CD200R1: variants seen among roughly 807,000 people sequenced by gnomAD.
CD200R1 encodes cell surface glycoprotein CD200 receptor 1.
CD200R1 carries 30 observed loss-of-function variants against 38.1 expected under a neutral mutation model. The ratio of observed to expected loss-of-function variants is 0.79; its 90% CI spans 0.59 to 1.07. The LOEUF (loss-of-function observed/expected upper bound fraction) is 1.07, where lower values mean the gene tolerates loss of function less well. CD200R1 is among the 50% of genes least tolerant of loss of function. The pLI is 0.00. For missense variants in CD200R1, 372 were observed against 415.4 expected (o/e 0.90, Z 0.91); for synonymous variants, 128 against 152.1 (o/e 0.84, Z 1.16).
chr3:112,946,059 C>T (rs1360252315), intron 2 of CD200R1, among the ~76,000 whole-genome samples: 1 of 135,540 alleles, frequency 7.4e-6, no homozygotes, highest in Non-Finnish European at 1.6e-5. Context: ...AAAAGGAGAA[C>T]GAAAAGATAA....
intron 1 of CD200R1, among the ~76,000 whole-genome samples, chr3:112,971,474 C>T (rs1197753470): frequency 1.3e-5 from 2 of 152,118 alleles, no homozygotes; most frequent in Non-Finnish European, 2.9e-5. Flanking sequence ...TCCTCCACAA[C>T]GAAACTCCCT....
chr3:112,926,203 A>G (rs898031352), intron 5 of CD200R1, among the ~76,000 whole-genome samples: 2 of 152,280 alleles, frequency 1.3e-5, no homozygotes, highest in South Asian at 4.1e-4. Context: ...GTGCAAATCA[A>G]CCAAGGAATT....
chr3:112,949,858 A>G (rs1940938970), intron 1 of CD200R1, among the ~76,000 whole-genome samples: 1 of 152,230 alleles, frequency 6.6e-6, no homozygotes, highest in East Asian at 1.9e-4. Context: ...AAGTTCGGGA[A>G]GAGACAATTG....
chr3:112,942,859 A>G (rs1381985652), intron 2 of CD200R1, among the ~76,000 whole-genome samples: 2 of 151,678 alleles, frequency 1.3e-5, no homozygotes, highest in Non-Finnish European at 3.0e-5. Flanking sequence ...ACTTCAGAGC[A>G]AGAAAAGTTA....
intron 5 of CD200R1, among the ~76,000 whole-genome samples, chr3:112,927,016 T>C (rs1940295008): frequency 6.6e-6 from 1 of 152,054 alleles, no homozygotes; most frequent in African/African-American, 2.4e-5. Flanking sequence ...GAGAGCTTCT[T>C]TGAAATTTTG....
At chr3:112,937,227 T>C (rs1940604986) in intron 2 of CD200R1, among the ~76,000 whole-genome samples, 1 of 152,090 alleles carries the variant, frequency 6.6e-6, no homozygotes, top group Non-Finnish European at 1.5e-5. Flanking sequence ...TCAAATCTCA[T>C]GAGAATTCAC....
At chr3:112,930,858 A>C (rs1244771695) in intron 3 of CD200R1, among the ~76,000 whole-genome samples, 1 of 152,184 alleles carries the variant, frequency 6.6e-6, no homozygotes, top group African/African-American at 2.4e-5. Context: ...TAGATCTGAG[A>C]GGTAGTTAAA....
At chr3:112,936,844 C>T (rs1286168776) in intron 2 of CD200R1, among the ~76,000 whole-genome samples, 2 of 152,102 alleles carry the variant, frequency 1.3e-5, no homozygotes, top group African/African-American at 4.8e-5. Flanking sequence ...GTTGAAGTTG[C>T]TTTTGGCATC....
At chr3:112,965,481 G>T (rs903998089) in intron 1 of CD200R1, among the ~76,000 whole-genome samples, 4 of 152,186 alleles carry the variant, frequency 2.6e-5, no homozygotes, top group Admixed American at 6.5e-5. Context: ...ATATTTAACA[G>T]GCCAGGCATG....
intron 1 of CD200R1, among the ~76,000 whole-genome samples, chr3:112,949,218 C>G (rs975937791): frequency 1.3e-5 from 2 of 152,208 alleles, no homozygotes; most frequent in African/African-American, 4.8e-5. Context: ...TATCGGCAGG[C>G]TCTAACTGTG....
intron 1 of CD200R1, among the ~76,000 whole-genome samples, chr3:112,960,718 G>A (rs1932996454): frequency 6.6e-6 from 1 of 151,948 alleles, no homozygotes; most frequent in South Asian, 2.1e-4. Context: ...AAAAGATAAT[G>A]ACTACGTTTA....
rs1403821114 is a variant in CD200R1 at position 112,928,906 on chromosome 3, A to T, written c.679T>A (p.Cys227Ser). The T allele has an allele frequency of 1.2e-6, 2 of 1,613,974 alleles. No individual in the cohort carries two copies. The highest frequency in any genetic ancestry group is 4.5e-5 in the East Asian group (2 of 44,858). ...SNGTVTVKST[C>S]HWEVHNVSTV... ...GACACATTGTGGACCTCCCAGTGGCATGTACTCTTAACAGTCACTGTGCCA... is the reference window on the plus strand; with the variant it reads ...GACACATTGTGGACCTCCCAGTGGCTTGTACTCTTAACAGTCACTGTGCCA... The change falls in exon 5 of 8, where the codon TGC (cysteine) becomes AGC (serine). Residue 227 changes from cysteine to serine, a missense_variant. Coordinates refer to ENST00000308611, the MANE Select transcript of CD200R1 (RefSeq NM_138806.4).
chr3:112,934,159 A>G (rs533532125), intron 2 of CD200R1, among the ~76,000 whole-genome samples: 104 of 152,246 alleles, frequency 6.8e-4, no homozygotes, highest in African/African-American at 2.4e-3. Context: ...TTTAACCCAA[A>G]TACATCCTCT....
chr3:112,960,870 T>G (rs1392469527), intron 1 of CD200R1, among the ~76,000 whole-genome samples: 5 of 85,702 alleles, frequency 5.8e-5, no homozygotes, highest in Non-Finnish European at 1.1e-4. Context: ...AAAAGAAAAC[T>G]AAAGTACAAA....
chr3:112,934,635 G>A (rs2107310486), intron 2 of CD200R1, among the ~76,000 whole-genome samples: 1 of 152,172 alleles, frequency 6.6e-6, no homozygotes, highest in East Asian at 1.9e-4. Flanking sequence ...TTTGAGACTA[G>A]CCCGGCCAAC....
intron 2 of CD200R1, among the ~76,000 whole-genome samples, chr3:112,941,739 G>A (rs1006515954): frequency 6.6e-5 from 10 of 151,378 alleles, no homozygotes; most frequent in South Asian, 2.1e-4. Flanking sequence ...CTCAGAGAAC[G>A]CCAAGCAGAA....
intron 2 of CD200R1, among the ~76,000 whole-genome samples, chr3:112,935,747 C>T (rs373012097): frequency 6.6e-6 from 1 of 152,080 alleles, no homozygotes; most frequent in South Asian, 2.1e-4. Context: ...TGAAACTGAA[C>T]CTAAAAAGAA....
chr3:112,956,990 C>A (rs1941112998), intron 1 of CD200R1, among the ~76,000 whole-genome samples: 2 of 152,128 alleles, frequency 1.3e-5, no homozygotes, highest in Admixed American at 1.3e-4. Context: ...TAGGCACCAG[C>A]CTGCAGTCAG....
intron 1 of CD200R1, among the ~76,000 whole-genome samples, chr3:112,971,521 C>A (rs1002340163): frequency 6.6e-6 from 1 of 152,098 alleles, no homozygotes; most frequent in Non-Finnish European, 1.5e-5. Flanking sequence ...CATCACAGAA[C>A]TTTTTTCAAA....
Sources: gnomAD v4.1 joint callset for allele counts (sites outside exome capture counted in the v4.1 genomes callset) on GRCh38, gnomAD v4.1.1 for gene constraint, MANE v1.5 for transcripts, NCBI Gene and HGNC (gene_info 2026-07-23, HGNC 2026-07-21) for gene names.